PWWP4: variants seen among roughly 807,000 people sequenced by gnomAD.
The protein encoded by PWWP4 is PWWP domain containing 4.
chrX:153,266,328 T>C, the PWWP4 span, among the ~76,000 whole-genome samples: 2 of 101,761 alleles, frequency 2.0e-5, no homozygotes, highest in Non-Finnish European at 2.0e-5. Flanking sequence ...TGACGGTGTG[T>C]GCGTGTGTGG....
rs2051808497 is a variant in PWWP4, at chrX:153,272,088, G to GACGGTCCC, written c.472_479dup (p.Ser161ArgfsTer133). On this transcript the variant is annotated frameshift_variant, in exon 1 of 1. Coordinates refer to ENST00000458091, the Ensembl canonical transcript of PWWP4. LOFTEE classifies it high-confidence loss of function. ...GGAAGAGGGAAAACCCAAGCTCACC[G>GACGGTCCC]ACGGTCCCTTCAGAGAGTAAGCGTG... 1.1e-5 allele frequency among the ~76,000 whole-genome samples: 1 copy of GACGGTCCC among 87,809 alleles called. No individual in the cohort carries two copies. Among genetic ancestry groups the GACGGTCCC allele is most frequent in the African/African-American group, 4.1e-5 (1 of 24,200 alleles). 76.3% of individuals were successfully genotyped at this position (87,809 alleles called of 115,157 possible).
In PWWP4 at chrX:153,271,907, TGAAA is replaced by T. The variant is rs1468047892; in HGVS notation, c.293_296del (p.Lys98ArgfsTer14). ...ACCCTTCGGGTGGCCCTGGAGATTCTGAAAGAGAGAACAAATCTGGGTGGAGGAA... is the reference window on the plus strand; with the variant it reads ...ACCCTTCGGGTGGCCCTGGAGATTCTGAGAGAACAAATCTGGGTGGAGGAA... On this transcript the variant is annotated frameshift_variant, in exon 1 of 1. Transcript: ENST00000458091. LOFTEE classifies it high-confidence loss of function. 1.7e-5 allele frequency among the ~76,000 whole-genome samples: 1 copy of T among 59,716 alleles called. No homozygotes were observed. Among genetic ancestry groups the T allele is most frequent in the African/African-American group, 7.0e-5 (1 of 14,272 alleles). The allele number at this position is 59,716 out of a possible 115,157, so 51.9% of individuals were successfully genotyped here. A position where few individuals can be genotyped will look rare whatever the true frequency, so the allele number is the denominator to read the frequency against.
chrX:153,267,352 T>C, upstream of PWWP4, among the ~76,000 whole-genome samples: 1 of 87,015 alleles, frequency 1.1e-5, no homozygotes, highest in Non-Finnish European at 2.2e-5. Flanking sequence ...CGCCAGCTCA[T>C]CCTTTGAAGG....
At chrX:153,266,407 G>A in the PWWP4 span, among the ~76,000 whole-genome samples, 1 of 99,763 alleles carries the variant, frequency 1.0e-5, no homozygotes, top group Non-Finnish European at 2.0e-5. Context: ...ATGTGTGTGT[G>A]TTTGGGGGTG....
upstream of PWWP4, among the ~76,000 whole-genome samples, chrX:153,271,426 T>C (rs1460116009): frequency 6.4e-5 from 7 of 109,009 alleles, no homozygotes; most frequent in African/African-American, 2.1e-4. Flanking sequence ...GAATTGTCCA[T>C]TGGAAACACG....
the PWWP4 span, among the ~76,000 whole-genome samples, chrX:153,266,376 T>C: frequency 1.7e-4 from 17 of 101,378 alleles, no homozygotes; most frequent in Middle Eastern, 5.0e-3. Flanking sequence ...TGTGTGTATG[T>C]GTGTGCGCGC....
the PWWP4 span, among the ~76,000 whole-genome samples, chrX:153,266,382 C>T: frequency 2.8e-4 from 27 of 96,667 alleles, no homozygotes; most frequent in South Asian, 4.7e-3. Flanking sequence ...TATGTGTGTG[C>T]GCGCGTGTGT....
chrX:153,266,475 G>A, the PWWP4 span, among the ~76,000 whole-genome samples: 1 of 99,477 alleles, frequency 1.0e-5, no homozygotes, highest in African/African-American at 4.0e-5. Context: ...ATGTGAGGAT[G>A]TGTGTGTGAG....
At chrX:153,270,199 T>TCA (rs1389641514), upstream of PWWP4, among the ~76,000 whole-genome samples, 9 of 66,056 alleles carry the variant, frequency 1.4e-4, no homozygotes, top group African/African-American at 3.5e-4. Context: ...TCTCTCTCTC[T>TCA]CACACACACA....
chrX:153,268,515 CCT>C (rs1326814760), upstream of PWWP4, among the ~76,000 whole-genome samples: 28 of 65,612 alleles, frequency 4.3e-4, no homozygotes, highest in Admixed American at 1.0e-3. Flanking sequence ...TACCTACCTA[CCT>C]CTCTCTCTCT....
At chrX:153,271,550 C>T (rs1221018626), upstream of PWWP4, among the ~76,000 whole-genome samples, 1 of 108,296 alleles carries the variant, frequency 9.2e-6, no homozygotes, top group Non-Finnish European at 1.9e-5. Context: ...TTAGGAGAGA[C>T]CTACGGTAGC....
At chrX:153,270,221 A>AGAGG (rs2051802251), upstream of PWWP4, among the ~76,000 whole-genome samples, 1 of 108,208 alleles carries the variant, frequency 9.2e-6, no homozygotes, top group East Asian at 3.8e-4. Flanking sequence ...ACAGAGAGAG[A>AGAGG]GAGAGAGAGA....
chrX:153,275,728 AC>A lies in PWWP4; in HGVS notation c.4113del (p.Ile1372LeufsTer77), dbSNP rs2051824471. ...TGGTGACAGCTCCCAGGTGCACACG[AC>A]CATTGCTCCAACTCCAGGCGCCCTG... On this transcript the variant is annotated frameshift_variant, in exon 1 of 1. Transcript: ENST00000458091. LOFTEE classifies it high-confidence loss of function. 2.8e-4 allele frequency among the ~76,000 whole-genome samples: 23 copies of A among 81,363 alleles called. No individual in the cohort carries two copies. The highest frequency in any genetic ancestry group is 1.1e-3 in the African/African-American group (20 of 17,489). The allele number at this position is 81,363 out of a possible 115,157, so 70.7% of individuals were successfully genotyped here. A position where few individuals can be genotyped will look rare whatever the true frequency, so the allele number is the denominator to read the frequency against.
exon 1 of PWWP4, among the ~76,000 whole-genome samples, chrX:153,276,032 A>G (rs1333370226): frequency 6.2e-5 from 6 of 96,683 alleles, no homozygotes; most frequent in African/African-American, 2.4e-4. Context: ...CTGCGCGGTG[A>G]CAGCTCACCA....
Position 153,275,965 on chromosome X carries a change from GC to G in PWWP4, c.4351del (p.Leu1451CysfsTer143), listed in dbSNP as rs2051825976. Among the ~76,000 whole-genome samples the G allele has an allele frequency of 1.3e-5, 1 of 77,198 alleles. No homozygotes were observed. Among genetic ancestry groups the G allele is most frequent in the South Asian group, 6.6e-4 (1 of 1,524 alleles). The allele number at this position is 77,198 out of a possible 115,157, so 67.0% of individuals were successfully genotyped here. ...CAGGGCCGTTGCTCCTATTCTAGGC[GC>G]CCTGCACCGTGTCGGCTCTCAGGCA... is the stretch of plus-strand genomic sequence containing the variant. On this transcript the variant is annotated frameshift_variant, in exon 1 of 1. Transcript: ENST00000458091. LOFTEE classifies it high-confidence loss of function.
upstream of PWWP4, among the ~76,000 whole-genome samples, chrX:153,269,972 C>A (rs1412894872): frequency 9.0e-6 from 1 of 110,999 alleles, no homozygotes; most frequent in Non-Finnish European, 1.9e-5. Flanking sequence ...TGCACATTGG[C>A]GCATCGGCAA....
At chrX:153,266,658 T>C (rs1169545985), upstream of PWWP4, among the ~76,000 whole-genome samples, 1 of 102,461 alleles carries the variant, frequency 9.8e-6, no homozygotes, top group Non-Finnish European at 2.0e-5. Context: ...CCCGAGTCAG[T>C]CCTTTAAAGC....
chrX:153,269,194 TGG>T (rs2051799005), upstream of PWWP4, among the ~76,000 whole-genome samples: 2 of 40,538 alleles, frequency 4.9e-5, no homozygotes, highest in African/African-American at 2.1e-4. Context: ...TGTGTGTGTG[TGG>T]AGAGAGAGAG....
chrX:153,271,482 CCA>C (rs1384784357), upstream of PWWP4, among the ~76,000 whole-genome samples: 1 of 108,426 alleles, frequency 9.2e-6, no homozygotes, highest in Non-Finnish European at 1.9e-5. Context: ...CACAGCCCAC[CCA>C]CACTGCACCC....
Sources: gnomAD v4.1 joint callset for allele counts (sites outside exome capture counted in the v4.1 genomes callset) on GRCh38, gnomAD v4.1.1 for gene constraint, MANE v1.5 for transcripts, NCBI Gene and HGNC (gene_info 2026-07-23, HGNC 2026-07-21) for gene names.